The following GRIK2 variants were observed in gnomAD, a reference collection of about 807,000 sequenced individuals.
GRIK2 encodes the protein glutamate ionotropic receptor kainate type subunit 2, also known as glutamate receptor ionotropic, kainate 2.
GRIK2 carries 32 observed loss-of-function variants against 100.3 expected under a neutral mutation model. That is an observed-to-expected ratio of 0.32 (90% CI 0.24 to 0.43). GRIK2 has a LOEUF of 0.43. Ranked by LOEUF, GRIK2 falls within the 20% of genes least tolerant of loss-of-function variation. GRIK2 has a pLI of 1.00. For synonymous variants in GRIK2, 417 were observed against 389.4 expected, an observed-to-expected ratio of 1.07 and a Z score of -0.83; for missense variants, 843 against 1,114.9, an observed-to-expected ratio of 0.76 and a Z score of 3.47.
intron 14 of GRIK2, among the ~76,000 whole-genome samples, chr6:102,006,390 A>T (rs9498798): frequency 0.12 from 13,280 of 113,976 alleles, 846 homozygotes; most frequent in Middle Eastern, 0.13. Flanking sequence ...ATATATATAT[A>T]TTTTTTTTTT....
In GRIK2 at chr6:101,963,064, ATAGT is replaced by A. The variant is rs535705444; in HGVS notation, c.2085+34435_2085+34438del. Among the ~76,000 whole-genome samples, 232 of 151,754 alleles carry A rather than the reference ATAGT, an allele frequency of 1.5e-3. 1 individual carries two copies. Among genetic ancestry groups the A allele is most frequent in the African/African-American group, 5.4e-3 (222 of 41,476 alleles). On this transcript the variant is annotated intron_variant, in intron 14 of 16. Transcript: ENST00000369134. ...ATTAGAATTTAATGTTATTATTGAT[ATAGT>A]TAAATTTACATCTGCCAATTAATTT...
In GRIK2 at chr6:101,475,237, C is replaced by A. The variant is rs917649554; in HGVS notation, c.115+75845C>A. ...GCCCTAGAGATCTGACACTTTTCTT[C>A]ACTGACTGAATTCTATCATCCTCTT... is the stretch of plus-strand genomic sequence containing the variant. On this transcript the variant is annotated intron_variant, in intron 2 of 16. Coordinates refer to ENST00000369134, the MANE Select transcript of GRIK2 (RefSeq NM_021956.5). Among the ~76,000 whole-genome samples the A allele has an allele frequency of 2.0e-5, 3 of 151,904 alleles. No homozygotes were observed. In the South Asian group the frequency reaches 6.2e-4, roughly 32 times the overall value.
At chr6:101,874,615 T>A (rs1301481117) in intron 11 of GRIK2, among the ~76,000 whole-genome samples, 1 of 152,086 alleles carries the variant, frequency 6.6e-6, no homozygotes, top group African/African-American at 2.4e-5. Flanking sequence ...TTAAAGTAGT[T>A]TTTTCCAGTT....
intron 2 of GRIK2, among the ~76,000 whole-genome samples, chr6:101,486,396 G>T (rs1402557402): frequency 7.4e-6 from 1 of 135,552 alleles, no homozygotes; most frequent in African/African-American, 2.6e-5. Context: ...TGGGGCGGGG[G>T]GGGGAAGCTA....
chr6:101,719,138 G>GTTTTTTTTTTTTTTTTTTTTTTT lies in GRIK2; in HGVS notation c.951+32801_951+32823dup, dbSNP rs60301711. Among the ~76,000 whole-genome samples, 8 of 101,170 alleles carry GTTTTTTTTTTTTTTTTTTTTTTT rather than the reference G, an allele frequency of 7.9e-5. 1 individual carries two copies. Among genetic ancestry groups the GTTTTTTTTTTTTTTTTTTTTTTT allele is most frequent in the African/African-American group, 3.5e-4 (7 of 20,102 alleles). 66.4% of individuals were successfully genotyped at this position (101,170 alleles called of 152,430 possible). A position where few individuals can be genotyped will look rare whatever the true frequency, so the allele number is the denominator to read the frequency against. On this transcript the variant is annotated intron_variant, in intron 7 of 16. Transcript: ENST00000369134. ...CTGAAATGTGCAACAGGCTGCAAGG[G>GTTTTTTTTTTTTTTTTTTTTTTT]TTTTTTTTTTTTTTTTTTTTTTTTT...
intron 1 of GRIK2, among the ~76,000 whole-genome samples, chr6:101,395,283 G>A (rs1304625103): frequency 1.3e-5 from 2 of 152,146 alleles, no homozygotes; most frequent in African/African-American, 2.4e-5. Flanking sequence ...TGGAATAATA[G>A]GTTAGGTGTT....
chr6:102,022,833 T>G (rs1769501410), intron 14 of GRIK2, among the ~76,000 whole-genome samples: 1 of 151,668 alleles, frequency 6.6e-6, no homozygotes, highest in African/African-American at 2.4e-5. Context: ...TGGCATCAGT[T>G]ATTATTTTCT....
intron 12 of GRIK2, among the ~76,000 whole-genome samples, chr6:101,901,195 CTA>C (rs1787823896): frequency 6.6e-6 from 1 of 151,604 alleles, no homozygotes; most frequent in Non-Finnish European, 1.5e-5. Context: ...CAAGACAAAC[CTA>C]TGTTTTTTTA....
At chr6:101,791,197 G>A (rs543215364) in intron 7 of GRIK2, among the ~76,000 whole-genome samples, 1 of 151,962 alleles carries the variant, frequency 6.6e-6, no homozygotes, top group African/African-American at 2.4e-5. Flanking sequence ...TTTTTTGTGT[G>A]TCTATTTCCT....
At chr6:101,939,407 T>C (rs558632323) in intron 14 of GRIK2, among the ~76,000 whole-genome samples, 1 of 152,196 alleles carries the variant, frequency 6.6e-6, no homozygotes, top group South Asian at 2.1e-4. Context: ...AATGTTGAAT[T>C]GTTAAATTTC....
chr6:101,641,399 C>T (rs1332025075), intron 4 of GRIK2, among the ~76,000 whole-genome samples: 2 of 151,834 alleles, frequency 1.3e-5, no homozygotes, highest in Non-Finnish European at 2.9e-5. Flanking sequence ...AAAATCTTAA[C>T]ACTAACTTGT....
chr6:101,758,215 C>T (rs919936157), intron 7 of GRIK2, among the ~76,000 whole-genome samples: 1 of 151,754 alleles, frequency 6.6e-6, no homozygotes, highest in African/African-American at 2.4e-5. Context: ...AGAATGAGGC[C>T]CTGCCTTAAA....
intron 2 of GRIK2, among the ~76,000 whole-genome samples, chr6:101,400,337 G>T (rs1775228105): frequency 1.3e-5 from 2 of 152,210 alleles, no homozygotes; most frequent in African/African-American, 4.8e-5. Flanking sequence ...CAGAGTGATT[G>T]CTTGGAGAAA....
chr6:101,871,883 G>C (rs1302780332), intron 11 of GRIK2, among the ~76,000 whole-genome samples: 1 of 151,790 alleles, frequency 6.6e-6, no homozygotes, highest in Admixed American at 6.6e-5. Flanking sequence ...ATTTTCCTTT[G>C]GGTGTAAATC....
intron 4 of GRIK2, among the ~76,000 whole-genome samples, chr6:101,646,535 C>G (rs754740912): frequency 3.1e-4 from 47 of 151,836 alleles, no homozygotes; most frequent in South Asian, 6.2e-4. Context: ...ACTTTAAGTA[C>G]ATATATTTTA....
intron 7 of GRIK2, among the ~76,000 whole-genome samples, chr6:101,736,468 G>A (rs888364589): frequency 2.6e-5 from 4 of 152,184 alleles, no homozygotes; most frequent in Non-Finnish European, 5.9e-5. Context: ...TTCCCAAACC[G>A]CATTTCCTGA....
chr6:101,623,279 C>G (rs1780254815), intron 3 of GRIK2, among the ~76,000 whole-genome samples: 1 of 152,044 alleles, frequency 6.6e-6, no homozygotes, highest in South Asian at 2.1e-4. Flanking sequence ...CAAAGCCATA[C>G]TTTGCATGCC....
At chr6:101,876,922 C>G (rs1325798754) in intron 11 of GRIK2, among the ~76,000 whole-genome samples, 1 of 151,876 alleles carries the variant, frequency 6.6e-6, no homozygotes, top group African/African-American at 2.4e-5. Flanking sequence ...TCCCCTACAT[C>G]TCTATACATA....
chr6:101,617,564 T>C (rs1227906818), intron 2 of GRIK2, among the ~76,000 whole-genome samples: 1 of 151,834 alleles, frequency 6.6e-6, no homozygotes. Flanking sequence ...TTTTCAGTGG[T>C]AGAAGATTCA....
Sources: allele counts gnomAD v4.1 joint callset (sites outside exome capture counted in the v4.1 genomes callset), GRCh38; gene constraint gnomAD v4.1.1; transcripts MANE v1.5; gene names NCBI Gene and HGNC (gene_info 2026-07-23, HGNC 2026-07-21).